CHCHD3: variants seen among roughly 807,000 people sequenced by gnomAD.
CHCHD3 encodes MICOS complex subunit MIC19.
A neutral mutation model predicts 38.2 loss-of-function variants in CHCHD3; 20 were observed. The ratio of observed to expected loss-of-function variants is 0.52; its 90% CI spans 0.37 to 0.76. The LOEUF is 0.76. Among genes scored for constraint, CHCHD3 ranks in the 30% least tolerant of loss-of-function variants. CHCHD3 has a pLI of 0.00. For synonymous variants in CHCHD3, 82 were observed against 100.0 expected, an observed-to-expected ratio of 0.82 and a Z score of 1.07; for missense variants, 245 against 279.2, an observed-to-expected ratio of 0.88 and a Z score of 0.87.
intron 6 of CHCHD3, among the ~76,000 whole-genome samples, chr7:132,817,023 A>C (rs975975186): frequency 6.6e-6 from 1 of 152,218 alleles, no homozygotes; most frequent in African/African-American, 2.4e-5. Flanking sequence ...GACAAGAGAC[A>C]CAAAGGGCAT....
chr7:132,995,740 A>G (rs1056479727), intron 3 of CHCHD3, among the ~76,000 whole-genome samples: 1 of 152,202 alleles, frequency 6.6e-6, no homozygotes, highest in Non-Finnish European at 1.5e-5. Flanking sequence ...AAAAGGCATC[A>G]GGCCTATGTG....
At chr7:133,022,559 A>G in intron 3 of CHCHD3, 1 of 441,096 alleles carries the variant, frequency 2.3e-6, no homozygotes, top group African/African-American at 2.0e-5. Flanking sequence ...ATATAGATGA[A>G]CACACATTTT....
chr7:132,885,773 T>C (rs1809191544), intron 4 of CHCHD3, 28 bp from the exon 5 acceptor site: 2 of 1,519,176 alleles, frequency 1.3e-6, no homozygotes, highest in East Asian at 4.7e-5. Flanking sequence ...GAATATACTA[T>C]ATCAAGAAAA....
intron 4 of CHCHD3, among the ~76,000 whole-genome samples, chr7:132,916,741 C>G (rs1314550594): frequency 6.6e-6 from 1 of 151,950 alleles, no homozygotes; most frequent in Non-Finnish European, 1.5e-5. Flanking sequence ...ACCATCATGC[C>G]CAGCTAATTT....
intron 4 of CHCHD3, among the ~76,000 whole-genome samples, chr7:132,888,384 T>C (rs1461062162): frequency 6.6e-6 from 1 of 151,888 alleles, no homozygotes; most frequent in African/African-American, 2.4e-5. Flanking sequence ...GTTATATAAT[T>C]ACATGCACTT....
chr7:132,972,996 T>C, intron 4 of CHCHD3: 1 of 985,440 alleles, frequency 1.0e-6, no homozygotes, highest in Non-Finnish European at 1.2e-6. Context: ...TTGCTTAATA[T>C]TTTAGTTATG....
At chr7:132,877,539 G>A in intron 5 of CHCHD3, among the ~76,000 whole-genome samples, 1 of 152,084 alleles carries the variant, frequency 6.6e-6, no homozygotes, top group East Asian at 1.9e-4. Flanking sequence ...TTTTTCTACA[G>A]AACAATTAAC....
rs56259114 is a variant in CHCHD3, at chr7:132,879,716, T to TAAA, written c.453+5943_453+5945dup. On this transcript the variant is annotated intron_variant, in intron 5 of 7. Transcript: ENST00000262570. ...AACTATCAGAACACTTTGTCAAAAGTAAAAAAAAAAAAAAAAAAAAAAAAA... is the reference window on the plus strand; with the variant it reads ...AACTATCAGAACACTTTGTCAAAAGTAAAAAAAAAAAAAAAAAAAAAAAAAAAA... Among the ~76,000 whole-genome samples the TAAA allele has an allele frequency of 1.8e-3, 71 of 38,434 alleles. 4 individuals are homozygous for TAAA. Among genetic ancestry groups the TAAA allele is most frequent in the African/African-American group, 6.2e-3 (59 of 9,526 alleles). The allele number at this position is 38,434 out of a possible 152,430, so 25.2% of individuals were successfully genotyped here.
intron 4 of CHCHD3, among the ~76,000 whole-genome samples, chr7:132,902,360 C>T (rs980750421): frequency 2.6e-5 from 4 of 152,162 alleles, no homozygotes; most frequent in African/African-American, 9.7e-5. Flanking sequence ...TATAAAGACA[C>T]ACACATACGT....
At chr7:132,919,136 T>G (rs1268157644) in intron 4 of CHCHD3, among the ~76,000 whole-genome samples, 1 of 109,194 alleles carries the variant, frequency 9.2e-6, no homozygotes. Context: ...TGAGACGGAG[T>G]CTTGCTCTGT....
chr7:132,835,851 G>C (rs1807767008), intron 6 of CHCHD3, among the ~76,000 whole-genome samples: 2 of 152,150 alleles, frequency 1.3e-5, no homozygotes, highest in African/African-American at 4.8e-5. Context: ...GAGGGTTTTA[G>C]TCTAATATGA....
chr7:133,000,783 G>C (rs1191447810), intron 3 of CHCHD3, among the ~76,000 whole-genome samples: 1 of 152,084 alleles, frequency 6.6e-6, no homozygotes, highest in African/African-American at 2.4e-5. Flanking sequence ...AACTAGTAAA[G>C]AGATGTTATA....
intron 6 of CHCHD3, among the ~76,000 whole-genome samples, chr7:132,824,014 T>C (rs151325775): frequency 1.3e-5 from 2 of 152,304 alleles, no homozygotes; most frequent in African/African-American, 4.8e-5. Flanking sequence ...GAACTAATCT[T>C]TACTATGTTC....
At chr7:133,001,430 G>A (rs1812568980) in intron 3 of CHCHD3, among the ~76,000 whole-genome samples, 1 of 152,112 alleles carries the variant, frequency 6.6e-6, no homozygotes, top group Non-Finnish European at 1.5e-5. Flanking sequence ...AAGCAAAAAA[G>A]CAATATACAA....
At chr7:133,017,571 C>T (rs542949549) in intron 3 of CHCHD3, among the ~76,000 whole-genome samples, 3 of 152,216 alleles carry the variant, frequency 2.0e-5, no homozygotes, top group African/African-American at 7.2e-5. Context: ...CTGCACTTCA[C>T]GAGAGAAAAC....
At chr7:132,813,498 ATTG>A (rs1293225090) in intron 6 of CHCHD3, 1 of 152,110 alleles carries the variant, frequency 6.6e-6, no homozygotes, top group East Asian at 1.9e-4. Context: ...ACTGTTTAAC[ATTG>A]TTGTGAAGAT....
intron 3 of CHCHD3, among the ~76,000 whole-genome samples, chr7:132,977,125 C>G (rs1811787850): frequency 6.6e-6 from 1 of 152,216 alleles, no homozygotes; most frequent in South Asian, 2.1e-4. Context: ...ATTAACACCA[C>G]TGGATATGTG....
At chr7:132,923,819 C>A in intron 4 of CHCHD3, among the ~76,000 whole-genome samples, 1 of 152,046 alleles carries the variant, frequency 6.6e-6, no homozygotes, top group South Asian at 2.1e-4. Flanking sequence ...CTTTGCTATC[C>A]TAACATTAAA....
intron 6 of CHCHD3, among the ~76,000 whole-genome samples, chr7:132,819,908 C>T (rs1391356667): frequency 6.6e-6 from 1 of 152,136 alleles, no homozygotes; most frequent in Non-Finnish European, 1.5e-5. Flanking sequence ...TGAATGAACA[C>T]TGAAGTGCAT....
Sources: gnomAD v4.1 joint callset for allele counts (sites outside exome capture counted in the v4.1 genomes callset) on GRCh38, gnomAD v4.1.1 for gene constraint, MANE v1.5 for transcripts, NCBI Gene and HGNC (gene_info 2026-07-23, HGNC 2026-07-21) for gene names.